RDX: variants seen among roughly 807,000 people sequenced by gnomAD.
The protein encoded by RDX is radixin.
RDX carries 32 observed loss-of-function variants against 83.7 expected under a neutral mutation model. That is an observed-to-expected ratio of 0.38 (90% CI 0.29 to 0.51). The LOEUF is 0.51. Ranked by LOEUF, RDX falls within the 20% of genes least tolerant of loss-of-function variation. The pLI is 0.87. For synonymous variants in RDX, 229 were observed against 222.7 expected (o/e 1.03, Z -0.25); for missense variants, 600 against 689.9 (o/e 0.87, Z 1.46).
chr11:110,222,844 T>A (rs1487548943), intron 14 of RDX, among the ~76,000 whole-genome samples: 2 of 152,140 alleles, frequency 1.3e-5, no homozygotes, highest in Admixed American at 1.3e-4. Context: ...GGGATTTATA[T>A]TGTACCTATC....
At chr11:110,212,414 G>C (rs1863871994) in intron 14 of RDX, among the ~76,000 whole-genome samples, 1 of 65,708 alleles carries the variant, frequency 1.5e-5, no homozygotes, top group Non-Finnish European at 2.8e-5. Flanking sequence ...GTACAAGGAG[G>C]AACTGGTACC....
chr11:110,253,323 T>C (rs1046748929), intron 9 of RDX, among the ~76,000 whole-genome samples: 2 of 152,162 alleles, frequency 1.3e-5, no homozygotes, highest in Non-Finnish European at 2.9e-5. Context: ...TCTCTAAATT[T>C]TTTCAAGTAA....
At chr11:110,198,339 T>A (rs1863275514) in intron 15 of RDX, among the ~76,000 whole-genome samples, 1 of 152,108 alleles carries the variant, frequency 6.6e-6, no homozygotes, top group Middle Eastern at 3.4e-3. Context: ...TGAAAAATGA[T>A]TTTTAAATAT....
intron 3 of RDX, 36 bp downstream of exon 3, chr11:110,272,500 G>C (rs759415787): frequency 7.9e-7 from 1 of 1,270,994 alleles, no homozygotes; most frequent in Middle Eastern, 2.1e-4. Context: ...TTCACACTAT[G>C]GTGTCAAAAG....
At chr11:110,249,800 G>A (rs1424314313) in intron 9 of RDX, among the ~76,000 whole-genome samples, 3 of 152,184 alleles carry the variant, frequency 2.0e-5, no homozygotes, top group Non-Finnish European at 2.9e-5. Context: ...CTTGTGTCCA[G>A]GAGGTCAATG....
chr11:110,264,518 T>C (rs1349069079), intron 4 of RDX, among the ~76,000 whole-genome samples: 1 of 152,162 alleles, frequency 6.6e-6, no homozygotes, highest in Non-Finnish European at 1.5e-5. Flanking sequence ...TTGAAGTACT[T>C]AGTATGCCAT....
At chr11:110,195,947 G>C (rs1863199456) in intron 15 of RDX, 1 of 152,202 alleles carries the variant, frequency 6.6e-6, no homozygotes, top group Non-Finnish European at 1.5e-5. Flanking sequence ...CTGTCTTTAG[G>C]AAAGGCAATT....
At chr11:110,249,990 C>A (rs1362807681) in intron 9 of RDX, among the ~76,000 whole-genome samples, 2 of 152,296 alleles carry the variant, frequency 1.3e-5, no homozygotes, top group Non-Finnish European at 2.9e-5. Context: ...GAGGAAGAGC[C>A]AGTAACTATT....
At position 110,232,867 on chromosome 11, in the gene RDX, G is replaced by A. The variant is rs186932048; in HGVS notation, c.1587+370C>T. On this transcript the variant is annotated intron_variant, in intron 13 of 13. Transcript: ENST00000645495. ...TGGCCTCAGGCAGTCCACCTGCCTC[G>A]GCCTCCCAGAGTGCTGGGATTACAG... Among the ~76,000 whole-genome samples, 133 of 152,200 alleles carry A rather than the reference G, an allele frequency of 8.7e-4. 3 individuals carry two copies. Among genetic ancestry groups the A allele is most frequent in the South Asian group, 2.1e-4 (1 of 4,816 alleles).
intron 1 of RDX, among the ~76,000 whole-genome samples, chr11:110,280,911 T>G (rs1191224391): frequency 6.6e-6 from 1 of 152,140 alleles, no homozygotes; most frequent in Non-Finnish European, 1.5e-5. Flanking sequence ...ATGCCTATAA[T>G]CCCAGCACTT....
chr11:110,276,618 G>T (rs1021643628), intron 2 of RDX, among the ~76,000 whole-genome samples: 4 of 152,056 alleles, frequency 2.6e-5, no homozygotes, highest in Non-Finnish European at 4.4e-5. Flanking sequence ...CATGACTATG[G>T]TTTTCTCACT....
chr11:110,272,620 C>G lies in RDX; in HGVS notation c.13-1G>C. The G allele has an allele frequency of 6.2e-7, 1 of 1,601,516 alleles. No homozygotes were observed. The highest frequency in any genetic ancestry group is 8.5e-7 in the Non-Finnish European group (1 of 1,170,922). On this transcript the variant is annotated splice_acceptor_variant, in intron 2 of 13. Coordinates refer to ENST00000645495, the MANE Select transcript of RDX (RefSeq NM_002906.4). LOFTEE classifies it high-confidence loss of function. ...CCATTGTAGTTACTCTTACGTTGAT[C>G]TGTAATAAAAATAAAAGGAATAATA...
chr11:110,257,626 T>C (rs1859596592), intron 7 of RDX, 141 bp downstream of exon 7: 2 of 839,790 alleles, frequency 2.4e-6, no homozygotes, highest in South Asian at 2.9e-5. Context: ...TCTACAAGTC[T>C]ATGTGTCATT....
At chr11:110,236,863 A>G (rs1207898341) in intron 11 of RDX, among the ~76,000 whole-genome samples, 1 of 151,744 alleles carries the variant, frequency 6.6e-6, no homozygotes, top group Admixed American at 6.6e-5. Context: ...CAGGTGATCC[A>G]CCTGCCTCGG....
chr11:110,277,396 T>G (rs1014288424), intron 2 of RDX, among the ~76,000 whole-genome samples: 3 of 152,200 alleles, frequency 2.0e-5, no homozygotes, highest in African/African-American at 7.2e-5. Context: ...CTTGGCTCAC[T>G]GCAACCTTCG....
intron 15 of RDX, among the ~76,000 whole-genome samples, chr11:110,193,546 AGAATAAACT>A (rs1290749050): frequency 2.4e-5 from 1 of 41,864 alleles, no homozygotes; most frequent in Non-Finnish European, 5.0e-5. Context: ...AAAACAAAAT[AGAATAAACT>A]ATTTTCTCCT....
chr11:110,231,440 C>T lies in RDX; in HGVS notation c.*429G>A, dbSNP rs146390813. On this transcript the variant is annotated 3_prime_UTR_variant, in exon 14 of 14. Coordinates refer to ENST00000645495, the MANE Select transcript of RDX (RefSeq NM_002906.4). ...ACATGGCAGATAAGAGAAGGGCACA[C>T]TGAGAAAATGTGAGTGAGAGAGAAT... 750 of 238,172 alleles carry T rather than the reference C, an allele frequency of 3.1e-3. 3 individuals are homozygous for T. Among genetic ancestry groups the T allele is most frequent in the Middle Eastern group, 9.9e-3 (6 of 606 alleles). 14.8% of individuals were successfully genotyped at this position (238,172 alleles called of 1,614,324 possible). A position where few individuals can be genotyped will look rare whatever the true frequency, so the allele number is the denominator to read the frequency against.
chr11:110,258,065 T>C (rs747912036), intron 6 of RDX, 41 bp downstream of exon 6: 6 of 1,514,454 alleles, frequency 4.0e-6, no homozygotes, highest in Non-Finnish European at 5.5e-6. Flanking sequence ...GAAAATACTT[T>C]GAAGGAAAAA....
At chr11:110,219,655 T>C (rs1231843330) in intron 14 of RDX, among the ~76,000 whole-genome samples, 1 of 152,146 alleles carries the variant, frequency 6.6e-6, no homozygotes, top group African/African-American at 2.4e-5. Flanking sequence ...GAGTCATAGA[T>C]GTGGTCAAGG....
Sources: allele counts gnomAD v4.1 joint callset (sites outside exome capture counted in the v4.1 genomes callset), GRCh38; gene constraint gnomAD v4.1.1; transcripts MANE v1.5; gene names NCBI Gene and HGNC (gene_info 2026-07-23, HGNC 2026-07-21).